ADAMTSL3: variants seen among roughly 807,000 people sequenced by gnomAD.
ADAMTSL3 encodes the protein ADAMTS like 3.
A neutral mutation model predicts 201.7 loss-of-function variants in ADAMTSL3; 128 were observed. The observed-to-expected ratio is 0.63, with a 90% CI of 0.55 to 0.73. The LOEUF is 0.73. Among genes scored for constraint, ADAMTSL3 ranks in the 30% least tolerant of loss-of-function variants. The probability of loss-of-function intolerance (pLI) is 0.00; values close to 1 mark genes in which losing one functional copy is unlikely to be tolerated. For synonymous variants in ADAMTSL3, 738 were observed against 748.4 expected (o/e 0.99, Z 0.23); for missense variants, 1,990 against 2,119.6 (o/e 0.94, Z 1.20).
At chr15:83,922,823 A>G (rs10520573) in intron 16 of ADAMTSL3, among the ~76,000 whole-genome samples, 95,617 of 152,100 alleles carry the variant, frequency 0.63, 31,177 homozygotes, top group African/African-American at 0.79. Context: ...ATGGCATTTG[A>G]AAAAAGAACC....
At chr15:83,914,931 T>A (rs1359499086) in intron 16 of ADAMTSL3, among the ~76,000 whole-genome samples, 1 of 152,220 alleles carries the variant, frequency 6.6e-6, no homozygotes, top group Non-Finnish European at 1.5e-5. Context: ...AACATGCCCT[T>A]GGCAATTTGG....
Position 83,729,345 on chromosome 15 carries a change from C to T in ADAMTSL3, c.189+24837C>T, listed in dbSNP as rs181847358. Among the ~76,000 whole-genome samples the T allele has an allele frequency of 2.6e-4, 39 of 152,108 alleles. 1 individual carries two copies. In the East Asian group the frequency reaches 4.8e-3, roughly 19 times the overall value. ...ATTATCCTTTTGAGTAAAATTCCTA[C>T]CCTAATCTTTCTCTCTACCTTCTCT... On this transcript the variant is annotated intron_variant, in intron 3 of 29. Transcript: ENST00000286744.
intron 3 of ADAMTSL3, among the ~76,000 whole-genome samples, chr15:83,732,660 G>T (rs900588409): frequency 5.9e-5 from 9 of 152,026 alleles, no homozygotes; most frequent in African/African-American, 2.2e-4. Context: ...TTAACTAGTT[G>T]ATTACATTCC....
chr15:83,907,756 T>C (rs1208828705), intron 15 of ADAMTSL3, among the ~76,000 whole-genome samples: 4 of 152,222 alleles, frequency 2.6e-5, no homozygotes, highest in Non-Finnish European at 5.9e-5. Flanking sequence ...ATATAGGCTA[T>C]ATTTTCTTTA....
chr15:83,908,632 A>G (rs948531594), intron 15 of ADAMTSL3, among the ~76,000 whole-genome samples: 6 of 152,170 alleles, frequency 3.9e-5, no homozygotes, highest in African/African-American at 1.4e-4. Flanking sequence ...TGTGCATCTG[A>G]GGTACCCCTG....
At chr15:83,824,468 C>A (rs1353111299) in intron 6 of ADAMTSL3, among the ~76,000 whole-genome samples, 3 of 152,178 alleles carry the variant, frequency 2.0e-5, no homozygotes, top group Non-Finnish European at 4.4e-5. Context: ...GTCGATGAAC[C>A]TACACTGACA....
chr15:83,819,850 T>C lies in ADAMTSL3; in HGVS notation c.403T>C (p.Cys135Arg). The C allele has an allele frequency of 6.2e-7, 1 of 1,614,050 alleles. No homozygotes were observed. The highest frequency in any genetic ancestry group is 2.2e-5 in the East Asian group (1 of 44,878). Reference protein sequence around the residue: ...PDAEDFRAQQCSAYNDVQYQG... With the variant: ...PDAEDFRAQQRSAYNDVQYQG... ...TGCAGAAGATTTCAGAGCCCAGCAG[T>C]GCTCAGCCTACAATGATGTCCAGTA... Residue 135 changes from cysteine (C) to arginine (R), a missense_variant, in exon 6 of 30, where the codon TGC becomes CGC. Physicochemically the swap from Cys to Arg is radical, Grantham distance 180. Coordinates refer to ENST00000286744, the MANE Select transcript of ADAMTSL3 (RefSeq NM_207517.3).
chr15:83,710,014 C>A (rs896828877), intron 3 of ADAMTSL3, among the ~76,000 whole-genome samples: 2 of 152,112 alleles, frequency 1.3e-5, no homozygotes, highest in African/African-American at 4.8e-5. Context: ...GCTGACCTTG[C>A]CACTTTTAGT....
chr15:83,732,972 T>C (rs1290652453), intron 3 of ADAMTSL3, among the ~76,000 whole-genome samples: 1 of 152,150 alleles, frequency 6.6e-6, no homozygotes, highest in Non-Finnish European at 1.5e-5. Flanking sequence ...GGGTAAATTA[T>C]GGCTGTTGGA....
At chr15:83,947,299 A>T (rs2066671485) in intron 19 of ADAMTSL3, among the ~76,000 whole-genome samples, 1 of 152,200 alleles carries the variant, frequency 6.6e-6, no homozygotes, top group South Asian at 2.1e-4. Flanking sequence ...TCCATTCTTC[A>T]CGGAGCCAGG....
chr15:83,712,288 C>T (rs140138601), intron 3 of ADAMTSL3, among the ~76,000 whole-genome samples: 7 of 152,338 alleles, frequency 4.6e-5, no homozygotes, highest in East Asian at 1.9e-4. Context: ...TGCTTTCCAT[C>T]GTCCCCTCAT....
chr15:83,786,312 G>A (rs1485495977), intron 4 of ADAMTSL3, among the ~76,000 whole-genome samples: 2 of 152,084 alleles, frequency 1.3e-5, no homozygotes, highest in Non-Finnish European at 2.9e-5. Flanking sequence ...TTCTAGTGGA[G>A]TTCTTTGTTT....
intron 2 of ADAMTSL3, among the ~76,000 whole-genome samples, chr15:83,663,700 A>G (rs1403551773): frequency 2.0e-5 from 3 of 152,196 alleles, no homozygotes; most frequent in Non-Finnish European, 4.4e-5. Context: ...TTTTGGATCA[A>G]TATTCCAGTC....
At chr15:83,825,844 G>A (rs535961507) in intron 6 of ADAMTSL3, among the ~76,000 whole-genome samples, 1 of 152,044 alleles carries the variant, frequency 6.6e-6, no homozygotes, top group Non-Finnish European at 1.5e-5. Flanking sequence ...GAATACCCAT[G>A]GAATAGTGCT....
At chr15:83,695,359 A>G (rs977312029) in intron 2 of ADAMTSL3, among the ~76,000 whole-genome samples, 1 of 150,358 alleles carries the variant, frequency 6.7e-6, no homozygotes, top group Non-Finnish European at 1.5e-5. Flanking sequence ...GAGTGGTGCT[A>G]TGAAAATTCC....
intron 17 of ADAMTSL3, among the ~76,000 whole-genome samples, chr15:83,929,806 A>G (rs1039833070): frequency 2.0e-5 from 3 of 151,812 alleles, no homozygotes; most frequent in Non-Finnish European, 4.4e-5. Flanking sequence ...ACACACACTC[A>G]GACTCACCCT....
intron 19 of ADAMTSL3, among the ~76,000 whole-genome samples, chr15:83,952,494 T>C (rs2066776035): frequency 6.6e-6 from 1 of 152,180 alleles, no homozygotes; most frequent in Non-Finnish European, 1.5e-5. Context: ...TGGTTCTTTG[T>C]TGGTTTTCGG....
chr15:83,923,185 G>A (rs1479655003), intron 16 of ADAMTSL3, among the ~76,000 whole-genome samples: 3 of 152,036 alleles, frequency 2.0e-5, no homozygotes, highest in Admixed American at 2.0e-4. Context: ...TAGGAGGCAG[G>A]GAATTTAATT....
At chr15:84,020,136 A>G (rs2068171121) in intron 25 of ADAMTSL3, among the ~76,000 whole-genome samples, 1 of 152,118 alleles carries the variant, frequency 6.6e-6, no homozygotes, top group African/African-American at 2.4e-5. Flanking sequence ...GATATAATCA[A>G]TTTATTGTGT....
Sources: gnomAD v4.1 joint callset for allele counts (sites outside exome capture counted in the v4.1 genomes callset) on GRCh38, gnomAD v4.1.1 for gene constraint, MANE v1.5 for transcripts, NCBI Gene and HGNC (gene_info 2026-07-23, HGNC 2026-07-21) for gene names.